The following NFS1 variants were observed in gnomAD, a reference collection of about 807,000 sequenced individuals.
The protein encoded by NFS1 is cysteine desulfurase.
A neutral mutation model predicts 57.3 loss-of-function variants in NFS1; 26 were observed. The observed-to-expected ratio is 0.45, with a 90% confidence interval of 0.33 to 0.63. The LOEUF is 0.63. Among genes scored for constraint, NFS1 ranks in the 20% least tolerant of loss-of-function variants. The pLI is 0.02. For missense variants in NFS1, 505 were observed against 605.8 expected, an observed-to-expected ratio of 0.83 and a Z score of 1.75; for synonymous variants, 209 against 216.3, an observed-to-expected ratio of 0.97 and a Z score of 0.30.
At chr20:35,693,961 CA>C (rs558931685) in intron 4 of NFS1, among the ~76,000 whole-genome samples, 3 of 148,804 alleles carry the variant, frequency 2.0e-5, no homozygotes, top group Admixed American at 6.7e-5. Flanking sequence ...GGCTCCATCT[CA>C]AAAAAAAATA....
intron 4 of NFS1, among the ~76,000 whole-genome samples, chr20:35,693,788 C>T (rs1418668324): frequency 6.6e-6 from 1 of 151,994 alleles, no homozygotes; most frequent in Non-Finnish European, 1.5e-5. Context: ...ATGGTGAAAC[C>T]CCATCTCTAC....
chr20:35,674,683 G>A, intron 8 of NFS1, 66 bp from the exon 9 acceptor site: 2 of 1,255,452 alleles, frequency 1.6e-6, no homozygotes, highest in South Asian at 2.4e-5. Context: ...AGTTTGAGAA[G>A]CCCTTCTCCT....
chr20:35,670,704 C>T (rs750019045), intron 12 of NFS1, among the ~76,000 whole-genome samples: 5 of 152,042 alleles, frequency 3.3e-5, no homozygotes, highest in Non-Finnish European at 5.9e-5. Context: ...GTGCAGATGC[C>T]GAAGCCACAT....
chr20:35,696,115 A>C (rs1218835845), intron 4 of NFS1, among the ~76,000 whole-genome samples: 1 of 152,210 alleles, frequency 6.6e-6, no homozygotes, highest in Non-Finnish European at 1.5e-5. Flanking sequence ...ACAAAAAAAA[A>C]ACAAGTGGTT....
chr20:35,680,679 T>A, intron 7 of NFS1, 58 bp downstream of exon 7: 6 of 1,375,222 alleles, frequency 4.4e-6, no homozygotes, highest in Non-Finnish European at 5.7e-6. Context: ...GTGACAAACA[T>A]CTATCAAAGG....
intron 12 of NFS1, among the ~76,000 whole-genome samples, chr20:35,672,025 C>T (rs1382651295): frequency 6.6e-6 from 1 of 151,948 alleles, no homozygotes; most frequent in Non-Finnish European, 1.5e-5. Flanking sequence ...GTGGTGTGAT[C>T]TCGGCTCACT....
At chr20:35,688,192 C>A (rs1389269018) in intron 5 of NFS1, among the ~76,000 whole-genome samples, 1 of 151,738 alleles carries the variant, frequency 6.6e-6, no homozygotes, top group South Asian at 2.1e-4. Context: ...GAGGTTGCAA[C>A]GAGCCAAGAT....
At chr20:35,693,762 GA>G (rs770221274) in intron 4 of NFS1, among the ~76,000 whole-genome samples, 13 of 152,132 alleles carry the variant, frequency 8.5e-5, no homozygotes, top group Non-Finnish European at 1.8e-4. Context: ...AGGAGATCGA[GA>G]CCATCTTGGC....
chr20:35,681,893 T>G lies in NFS1; in HGVS notation c.650A>C (p.Glu217Ala). The change falls in exon 6 of 13, where the codon GAA becomes GCA. Residue 217 changes from glutamate to alanine, a missense_variant. Transcript: ENST00000374092. ...GGATAAGCCATGATACTCACCTATTTCTGCAATAGGCTGCTTCACTCCAAT... is the reference window on the plus strand; with the variant it reads ...GGATAAGCCATGATACTCACCTATTGCTGCAATAGGCTGCTTCACTCCAAT... ...NEIGVKQPIAEIGRICSSRKV... is the reference protein window; with the variant it reads ...NEIGVKQPIAAIGRICSSRKV... 6.3e-7 allele frequency: 1 copy of G among 1,597,470 alleles called. No individual in the cohort carries two copies. Among genetic ancestry groups the G allele is most frequent in the Non-Finnish European group, 8.6e-7 (1 of 1,164,908 alleles).
intron 4 of NFS1, among the ~76,000 whole-genome samples, chr20:35,693,969 A>G (rs2035086391): frequency 6.6e-6 from 1 of 151,910 alleles, no homozygotes; most frequent in Admixed American, 6.6e-5. Flanking sequence ...CTCAAAAAAA[A>G]ATAAATAAAT....
At chr20:35,672,628 A>G in intron 12 of NFS1, 127 bp downstream of exon 12, 1 of 689,814 alleles carries the variant, frequency 1.4e-6, no homozygotes, top group East Asian at 2.7e-5. Flanking sequence ...GCTTTGTGGA[A>G]TCTCTAAATC....
intron 5 of NFS1, among the ~76,000 whole-genome samples, chr20:35,687,775 G>C (rs945497009): frequency 1.4e-4 from 22 of 152,166 alleles, no homozygotes; most frequent in African/African-American, 5.3e-4. Flanking sequence ...TCCAGAGGCA[G>C]CTAAGATGCA....
chr20:35,673,020 G>A (rs1308146298), intron 11 of NFS1, among the ~76,000 whole-genome samples, 176 bp from the exon 12 acceptor site: 1 of 152,162 alleles, frequency 6.6e-6, no homozygotes, highest in African/African-American at 2.4e-5. Context: ...GGGCATGGTG[G>A]CTCACGCCTG....
chr20:35,681,944 A>G lies in NFS1; in HGVS notation c.599T>C (p.Val200Ala). Residue 200 changes from valine (V) to alanine (A), a missense_variant, in exon 6 of 13, where the codon GTG becomes GCG. Physicochemically the swap from Val to Ala is moderately conservative, Grantham distance 64 (BLOSUM62 0). Transcript: ENST00000374092. ...EAAIQPDTSLVSVMTVNNEIG... is the reference protein window; with the variant it reads ...EAAIQPDTSLASVMTVNNEIG... ...CTCATTGTTCACAGTCATGACTGACACCAGGCTAGTATCTGGCTGGATAGC... is the reference window on the plus strand; with the variant it reads ...CTCATTGTTCACAGTCATGACTGACGCCAGGCTAGTATCTGGCTGGATAGC... 1.9e-6 allele frequency: 3 copies of G among 1,612,994 alleles called. No homozygotes were observed. The highest frequency in any genetic ancestry group is 2.2e-5 in the East Asian group (1 of 44,858).
intron 8 of NFS1, chr20:35,674,830 C>A: frequency 1.4e-6 from 1 of 698,560 alleles, no homozygotes; most frequent in Non-Finnish European, 2.4e-6. Flanking sequence ...ATTTACTTAT[C>A]CAGAAATAAA....
At chr20:35,693,665 C>A (rs2035081477) in intron 4 of NFS1, among the ~76,000 whole-genome samples, 1 of 151,912 alleles carries the variant, frequency 6.6e-6, no homozygotes, top group South Asian at 2.1e-4. Context: ...CGCATCTCTA[C>A]AAAAATTAAA....
intron 5 of NFS1, among the ~76,000 whole-genome samples, chr20:35,689,142 C>A (rs2034996423): frequency 6.6e-6 from 1 of 152,204 alleles, no homozygotes; most frequent in Non-Finnish European, 1.5e-5. Flanking sequence ...GCATCCTGCA[C>A]ATGTGGCCAG....
intron 4 of NFS1, 28 bp downstream of exon 4, chr20:35,696,349 C>A (rs778277718): frequency 6.6e-7 from 1 of 1,519,196 alleles, no homozygotes; most frequent in African/African-American, 1.4e-5. Context: ...GGAAAGCCCA[C>A]ATACACCCTC....
chr20:35,685,584 C>T (rs1157563630), intron 5 of NFS1, among the ~76,000 whole-genome samples: 4 of 146,102 alleles, frequency 2.7e-5, no homozygotes, highest in East Asian at 2.0e-4. Flanking sequence ...AGCAGCCGGG[C>T]GCAGTGGCTC....
Sources: gnomAD v4.1 joint callset for allele counts (sites outside exome capture counted in the v4.1 genomes callset) on GRCh38, gnomAD v4.1.1 for gene constraint, MANE v1.5 for transcripts, NCBI Gene and HGNC (gene_info 2026-07-23, HGNC 2026-07-21) for gene names.